The following DNAH14 variants were observed in gnomAD, a reference collection of about 807,000 sequenced individuals.
DNAH14 encodes the protein dynein axonemal heavy chain 14.
DNAH14 carries 478 observed loss-of-function variants against 520.9 expected under a neutral mutation model. That is an observed-to-expected ratio of 0.92 (90% CI 0.85 to 0.99). The LOEUF (loss-of-function observed/expected upper bound fraction) is 0.99, where lower values mean the gene tolerates loss of function less well. Ranked by LOEUF, DNAH14 falls within the 50% of genes least tolerant of loss-of-function variation. The pLI is 0.00. For missense variants in DNAH14, 4,831 were observed against 5,234.5 expected, an observed-to-expected ratio of 0.92 and a Z score of 2.38; for synonymous variants, 1,581 against 1,757.2, an observed-to-expected ratio of 0.90 and a Z score of 2.51.
intron 42 of DNAH14, among the ~76,000 whole-genome samples, chr1:225,235,366 C>G (rs1433890541): frequency 6.6e-6 from 1 of 152,084 alleles, no homozygotes; most frequent in Non-Finnish European, 1.5e-5. Context: ...TATTTTGAAC[C>G]AACCTTACAT....
chr1:225,104,100 C>T (rs890076863), intron 23 of DNAH14, among the ~76,000 whole-genome samples: 2 of 151,972 alleles, frequency 1.3e-5, no homozygotes, highest in East Asian at 3.9e-4. Flanking sequence ...TTGCATGAAG[C>T]GTTGTTGAAT....
In DNAH14 at chr1:225,007,435, C is replaced by T. The variant is rs1348563468; in HGVS notation, c.998C>T (p.Ser333Phe). ...TAGCTGGATAGTTCTCGAACATATT[C>T]TCTAGATGAATTTTGTGAAGAGCAG... ...LVKLDSSRTY[S>F]LDEFCEEQLQ... The change falls in exon 10 of 86, where the codon TCT becomes TTT. Residue 333 changes from serine (S) to phenylalanine (F), a missense_variant. Physicochemically the swap from Ser to Phe is radical, Grantham distance 155. Transcript: ENST00000682510. 6.5e-7 allele frequency: 1 copy of T among 1,538,020 alleles called. No homozygotes were observed. The highest frequency in any genetic ancestry group is 8.8e-7 in the Non-Finnish European group (1 of 1,139,352).
chr1:224,975,403 A>C (rs1283883977), intron 8 of DNAH14, among the ~76,000 whole-genome samples: 1 of 146,520 alleles, frequency 6.8e-6, no homozygotes, highest in Admixed American at 6.8e-5. Flanking sequence ...ACAATTTCAG[A>C]GCCTGTTATT....
intron 20 of DNAH14, 119 bp from the exon 21 acceptor site, chr1:225,085,425 G>T: frequency 1.1e-6 from 1 of 915,170 alleles, no homozygotes; most frequent in Non-Finnish European, 1.6e-6. Flanking sequence ...AACCTAACTG[G>T]AATTAGATCT....
At chr1:225,023,961 T>C in intron 11 of DNAH14, 96 bp downstream of exon 11, 1 of 1,438,604 alleles carries the variant, frequency 7.0e-7, no homozygotes, top group African/African-American at 1.4e-5. Flanking sequence ...AAGCTAGAGT[T>C]TGAAAATTCT....
At chr1:225,117,539 A>G (rs2076956560) in intron 23 of DNAH14, 145 bp from the exon 24 acceptor site, 1 of 505,582 alleles carries the variant, frequency 2.0e-6, no homozygotes, top group Non-Finnish European at 3.4e-6. Flanking sequence ...TTCATTAAGC[A>G]TGGAATGTTA....
At chr1:224,944,236 T>C (rs1326752626) in intron 1 of DNAH14, among the ~76,000 whole-genome samples, 5 of 152,228 alleles carry the variant, frequency 3.3e-5, no homozygotes, top group African/African-American at 1.2e-4. Flanking sequence ...ATTGATCCCT[T>C]TACCATTATG....
intron 17 of DNAH14, among the ~76,000 whole-genome samples, chr1:225,075,162 G>T (rs1008593338): frequency 6.6e-6 from 1 of 152,166 alleles, no homozygotes; most frequent in Non-Finnish European, 1.5e-5. Flanking sequence ...CTGCCCCAAG[G>T]GTTGCAAAGA....
Position 225,132,047 on chromosome 1 carries a change from C to G in DNAH14, c.4254+8433C>G, listed in dbSNP as rs139500867. On this transcript the variant is annotated intron_variant, in intron 27 of 85. Transcript: ENST00000682510. ...TTTCTTTGATTTTTCTCCAGAAAAA[C>G]TGAGTAATCATTTAAAAAAGTGAGT... 6.9e-3 allele frequency among the ~76,000 whole-genome samples: 1,054 copies of G among 152,166 alleles called. 7 individuals carry two copies. Among genetic ancestry groups the G allele is most frequent in the African/African-American group, 0.024 (984 of 41,538 alleles).
At chr1:225,156,390 T>C (rs2081044831) in intron 34 of DNAH14, among the ~76,000 whole-genome samples, 1 of 152,134 alleles carries the variant, frequency 6.6e-6, no homozygotes, top group Non-Finnish European at 1.5e-5. Context: ...CTCCAGAGAC[T>C]CTTGGGCAGA....
intron 34 of DNAH14, among the ~76,000 whole-genome samples, chr1:225,154,341 G>A (rs1231017951): frequency 6.6e-6 from 1 of 152,030 alleles, no homozygotes; most frequent in Non-Finnish European, 1.5e-5. Context: ...AGGATATTTA[G>A]TTTGTTAATT....
chr1:225,367,757 T>C lies in DNAH14; in HGVS notation c.12091-48T>C, dbSNP rs1357541732. On this transcript the variant is annotated intron_variant, in intron 76 of 85. Transcript: ENST00000682510. ...GAAAGACAAGTGCCCTGAAGACCAG[T>C]GCCTGCATCTGTCCTCACATGCCAT... 3.0e-6 allele frequency: 4 copies of C among 1,330,846 alleles called. No individual in the cohort carries two copies. The African/African-American group carries it at 5.8e-5, about 19-fold the overall frequency. 82.4% of individuals were successfully genotyped at this position (1,330,846 alleles called of 1,614,324 possible). A position where few individuals can be genotyped will look rare whatever the true frequency, so the allele number is the denominator to read the frequency against.
At chr1:225,000,967 A>G (rs1169192772) in intron 8 of DNAH14, among the ~76,000 whole-genome samples, 1 of 152,126 alleles carries the variant, frequency 6.6e-6, no homozygotes, top group Non-Finnish European at 1.5e-5. Flanking sequence ...CTTTATAACA[A>G]TTCACCAAGA....
At chr1:225,323,740 C>T (rs2094598543) in intron 62 of DNAH14, among the ~76,000 whole-genome samples, 2 of 151,920 alleles carry the variant, frequency 1.3e-5, no homozygotes, top group Non-Finnish European at 2.9e-5. Context: ...GGATTACAGG[C>T]GGGAGCCACC....
chr1:224,998,503 G>T (rs941157363), intron 8 of DNAH14, among the ~76,000 whole-genome samples: 4 of 151,886 alleles, frequency 2.6e-5, no homozygotes, highest in African/African-American at 9.7e-5. Context: ...AATTTTCCTC[G>T]AGTCTTTCTC....
intron 43 of DNAH14, among the ~76,000 whole-genome samples, chr1:225,249,719 C>T (rs1363070640): frequency 6.6e-6 from 1 of 152,172 alleles, no homozygotes; most frequent in African/African-American, 2.4e-5. Context: ...TTTCGTCTTT[C>T]CATTATGATC....
intron 68 of DNAH14, among the ~76,000 whole-genome samples, chr1:225,339,219 G>C (rs573020167): frequency 5.1e-4 from 77 of 152,142 alleles, no homozygotes; most frequent in African/African-American, 1.8e-3. Flanking sequence ...GCTGAGGCAG[G>C]AGAATCGCTT....
intron 54 of DNAH14, 128 bp from the exon 55 acceptor site, chr1:225,289,757 G>T: frequency 3.5e-6 from 2 of 570,078 alleles, no homozygotes; most frequent in Non-Finnish European, 5.4e-6. Context: ...CTCCCAAAAG[G>T]TTATAAATAA....
At chr1:224,967,346 T>G (rs1422360218) in intron 5 of DNAH14, 85 bp from the exon 6 acceptor site, 1 of 915,472 alleles carries the variant, frequency 1.1e-6, no homozygotes, top group Non-Finnish European at 1.5e-6. Flanking sequence ...TTCAATTTAG[T>G]GGGTAATCTG....
Sources: gnomAD v4.1 joint callset for allele counts (sites outside exome capture counted in the v4.1 genomes callset) on GRCh38, gnomAD v4.1.1 for gene constraint, MANE v1.5 for transcripts, NCBI Gene and HGNC (gene_info 2026-07-23, HGNC 2026-07-21) for gene names.